TENM2: variants seen among roughly 807,000 people sequenced by gnomAD.
The protein encoded by TENM2 is teneurin transmembrane protein 2, also known as teneurin-2.
TENM2 carries 52 observed loss-of-function variants against 245.2 expected under a neutral mutation model. The ratio of observed to expected loss-of-function variants is 0.21; its 90% CI spans 0.17 to 0.27. TENM2 has a LOEUF of 0.27. TENM2 is among the 10% of genes least tolerant of loss of function. The pLI is 1.00. For synonymous variants in TENM2, 1,363 were observed against 1,438.9 expected (o/e 0.95, Z 1.19); for missense variants, 3,046 against 3,666.8 (o/e 0.83, Z 4.37).
exon 17 of TENM2, chr5:168,199,940 A>G (rs1230621812): frequency 1.2e-6 from 2 of 1,613,846 alleles, no homozygotes; most frequent in East Asian, 2.2e-5. Flanking sequence ...GCAGGGTACA[A>G]GTCACTGCTG....
intron 19 of TENM2, among the ~76,000 whole-genome samples, chr5:168,205,881 T>C (rs1447116211): frequency 6.6e-6 from 1 of 152,136 alleles, no homozygotes; most frequent in East Asian, 1.9e-4. Context: ...GAGTAGATTG[T>C]AGGACTGCAG....
chr5:167,336,582 T>G (rs2127801789), intron 1 of TENM2, among the ~76,000 whole-genome samples: 1 of 152,192 alleles, frequency 6.6e-6, no homozygotes, highest in Admixed American at 6.5e-5. Context: ...CCAAGGCTCC[T>G]TATACTCTTT....
At chr5:167,989,005 A>G (rs1783453273) in intron 4 of TENM2, among the ~76,000 whole-genome samples, 3 of 152,192 alleles carry the variant, frequency 2.0e-5, no homozygotes. Context: ...TCATGTTGCT[A>G]AAACATTTCT....
intron 7 of TENM2, among the ~76,000 whole-genome samples, chr5:168,064,762 A>G (rs1010619851): frequency 2.0e-5 from 3 of 152,172 alleles, no homozygotes; most frequent in Non-Finnish European, 4.4e-5. Context: ...TCCAGCTGCC[A>G]GTTTGAAAGT....
At chr5:167,179,975 C>T in the TENM2 span, among the ~76,000 whole-genome samples, 1 of 152,114 alleles carries the variant, frequency 6.6e-6, no homozygotes, top group South Asian at 2.1e-4. Flanking sequence ...AAAGGCAGGA[C>T]TTGGCGAAGC....
Position 168,247,848 on chromosome 5 carries a change from T to A in TENM2, c.6909T>A (p.Asp2303Glu). 6.2e-7 allele frequency: 1 copy of A among 1,613,996 alleles called. No individual in the cohort carries two copies. The highest frequency in any genetic ancestry group is 8.5e-7 in the Non-Finnish European group (1 of 1,179,890). The change falls in exon 27 of 29, where the codon GAT (aspartate) becomes GAA (glutamate). Residue 2303 changes from aspartate (D) to glutamate (E), a missense_variant. This residue lies in a region of TENM2 where 2,704 missense variants were observed against 3,331.9 expected (regional missense o/e 0.81). Coordinates refer to ENST00000518659, the Ensembl canonical transcript of TENM2. This position sits in a 1 kb window ranked among gnomAD's most constrained non-coding sequence, Gnocchi z 7.8. ...GGTGGAGTGTCCAGTACCGCTATGATGGCGTAGGACGGCGGGCTTCCTACA... is the reference window on the plus strand; with the variant it reads ...GGTGGAGTGTCCAGTACCGCTATGAAGGCGTAGGACGGCGGGCTTCCTACA...
the TENM2 span, among the ~76,000 whole-genome samples, chr5:167,071,436 A>G: frequency 6.6e-6 from 1 of 152,158 alleles, no homozygotes; most frequent in Admixed American, 6.5e-5. Flanking sequence ...AAAGAACCGT[A>G]TTCCTTTGCT....
the TENM2 span, among the ~76,000 whole-genome samples, chr5:167,258,324 C>A: frequency 6.6e-6 from 1 of 151,028 alleles, no homozygotes; most frequent in South Asian, 2.1e-4. Flanking sequence ...CTAAGAGAAG[C>A]TTAAAAATAA....
chr5:167,533,622 A>G (rs1771665982), intron 2 of TENM2, among the ~76,000 whole-genome samples: 1 of 151,854 alleles, frequency 6.6e-6, no homozygotes, highest in South Asian at 2.1e-4. Flanking sequence ...ACGCTTGGCT[A>G]ACTTTTTTTT....
At chr5:167,656,718 T>G (rs1350611813) in intron 2 of TENM2, among the ~76,000 whole-genome samples, 1 of 152,182 alleles carries the variant, frequency 6.6e-6, no homozygotes, top group African/African-American at 2.4e-5. Flanking sequence ...ATATTTACTC[T>G]GTTACAGGTT....
At chr5:167,310,606 G>GA (rs1290372554) in intron 1 of TENM2, among the ~76,000 whole-genome samples, 4 of 151,336 alleles carry the variant, frequency 2.6e-5, no homozygotes, top group Non-Finnish European at 4.4e-5. Context: ...TGTGTTTCAG[G>GA]AAAAAACAAA....
chr5:167,801,109 AATATATATATATATATATATATATATAT>A lies in TENM2; in HGVS notation c.503-74860_503-74833del, dbSNP rs869282464. On this transcript the variant is annotated intron_variant, in intron 2 of 28. Coordinates refer to ENST00000518659, the Ensembl canonical transcript of TENM2. ...GTATTTGAAAAGAAAAAAAAAAAAAAATATATATATATATATATATATATATATATATATATATATATATGTATATATT... is the reference window on the plus strand; with the variant it reads ...GTATTTGAAAAGAAAAAAAAAAAAAAATATATATATATATATGTATATATT... 8.6e-4 allele frequency among the ~76,000 whole-genome samples: 57 copies of A among 66,556 alleles called. 1 individual carries two copies. Among genetic ancestry groups the A allele is most frequent in the Admixed American group, 2.2e-3 (10 of 4,506 alleles). The allele number at this position is 66,556 out of a possible 152,430, so 43.7% of individuals were successfully genotyped here.
intron 13 of TENM2, among the ~76,000 whole-genome samples, chr5:168,163,575 C>T (rs1397227511): frequency 3.3e-5 from 5 of 152,162 alleles, no homozygotes; most frequent in East Asian, 1.9e-4. Flanking sequence ...ACATGTCCAT[C>T]GCTTCCCAAA....
the TENM2 span, among the ~76,000 whole-genome samples, chr5:167,121,225 A>T: frequency 6.6e-6 from 1 of 152,144 alleles, no homozygotes; most frequent in Non-Finnish European, 1.5e-5. Context: ...ATTGGCAGTA[A>T]CTAAATGAAT....
intron 2 of TENM2, among the ~76,000 whole-genome samples, chr5:167,517,472 A>G (rs1467770074): frequency 2.6e-5 from 4 of 152,164 alleles, no homozygotes; most frequent in Non-Finnish European, 4.4e-5. Flanking sequence ...TTCCTTCACT[A>G]TATTATGTAA....
At chr5:168,198,913 C>T in exon 16 of TENM2, 1 of 1,614,082 alleles carries the variant, frequency 6.2e-7, no homozygotes, top group Non-Finnish European at 8.5e-7. Flanking sequence ...GAGCCCCGTT[C>T]ATGAGCCAGG....
At chr5:167,005,352 G>GC in the TENM2 span, among the ~76,000 whole-genome samples, 4 of 152,178 alleles carry the variant, frequency 2.6e-5, no homozygotes. Context: ...ACAAGGGAGT[G>GC]CCACTTTTTG....
chr5:167,701,541 C>T (rs1481079484), intron 2 of TENM2, among the ~76,000 whole-genome samples: 4 of 152,148 alleles, frequency 2.6e-5, no homozygotes, highest in Non-Finnish European at 2.9e-5. Context: ...TATTTGAGAC[C>T]ATTGACTTTG....
At chr5:166,980,541 G>C in the TENM2 span, among the ~76,000 whole-genome samples, 1 of 152,094 alleles carries the variant, frequency 6.6e-6, no homozygotes, top group African/African-American at 2.4e-5. Context: ...GTTCTTTGGA[G>C]GGTTCTTGAT....
Sources: allele counts gnomAD v4.1 joint callset (sites outside exome capture counted in the v4.1 genomes callset), GRCh38; gene constraint gnomAD v4.1.1; regional missense constraint gnomAD v4.1.1; non-coding constraint Gnocchi (gnomAD v3.1); transcripts MANE v1.5; gene names NCBI Gene and HGNC (gene_info 2026-07-23, HGNC 2026-07-21).